FMN2: variants seen among roughly 807,000 people sequenced by gnomAD.
The protein encoded by FMN2 is formin-2.
A neutral mutation model predicts 142.3 loss-of-function variants in FMN2; 51 were observed. That is an observed-to-expected ratio of 0.36 (90% CI 0.29 to 0.45). The LOEUF (loss-of-function observed/expected upper bound fraction) is 0.45. FMN2 is among the 20% of genes least tolerant of loss of function. The pLI is 1.00. For synonymous variants in FMN2, 882 were observed against 869.8 expected (o/e 1.01, Z -0.25); for missense variants, 1,936 against 2,122.8 (o/e 0.91, Z 1.73).
chr1:240,438,349 G>A, intron 16 of FMN2, 139 bp downstream of exon 16: 1 of 860,386 alleles, frequency 1.2e-6, no homozygotes, highest in Non-Finnish European at 1.8e-6. Flanking sequence ...AGAGGATGCT[G>A]ACATTTGGCA....
intron 7 of FMN2, among the ~76,000 whole-genome samples, chr1:240,277,208 T>C (rs999977792): frequency 3.3e-5 from 5 of 152,178 alleles, no homozygotes; most frequent in Admixed American, 2.6e-4. Flanking sequence ...GATAATAACA[T>C]TGAATATTTG....
At chr1:240,191,462 A>G (rs1451684442) in intron 4 of FMN2, among the ~76,000 whole-genome samples, 1 of 152,238 alleles carries the variant, frequency 6.6e-6, no homozygotes, top group East Asian at 1.9e-4. Flanking sequence ...TTCAAATAAA[A>G]TTACATTCTT....
intron 15 of FMN2, among the ~76,000 whole-genome samples, chr1:240,429,918 C>A (rs986189786): frequency 2.0e-5 from 3 of 148,948 alleles, no homozygotes; most frequent in Admixed American, 2.0e-4. Context: ...CAGAGTCTCG[C>A]TCTGCCGCCC....
chr1:240,435,099 C>T (rs1558104537), intron 15 of FMN2, among the ~76,000 whole-genome samples: 2 of 152,074 alleles, frequency 1.3e-5, no homozygotes, highest in Admixed American at 6.6e-5. Context: ...TCATTTGGCT[C>T]ACAGGTTCAT....
At chr1:240,280,647 G>T (rs1186545243) in intron 7 of FMN2, among the ~76,000 whole-genome samples, 1 of 152,090 alleles carries the variant, frequency 6.6e-6, no homozygotes, top group Non-Finnish European at 1.5e-5. Flanking sequence ...TGCAGTGCTG[G>T]TTTACGGAAA....
chr1:240,396,671 G>GT (rs776824776), intron 15 of FMN2, among the ~76,000 whole-genome samples: 2 of 152,122 alleles, frequency 1.3e-5, no homozygotes, highest in Non-Finnish European at 2.9e-5. Context: ...TGTGGTCAGT[G>GT]TTTAGCTCCC....
chr1:240,124,356 G>GAACA (rs2103221704), intron 2 of FMN2, among the ~76,000 whole-genome samples: 1 of 152,250 alleles, frequency 6.6e-6, no homozygotes, highest in Admixed American at 6.5e-5. Context: ...TCATGTTTGT[G>GAACA]TGAAGTACGG....
At chr1:240,458,979 C>G (rs531017646) in intron 16 of FMN2, 1 of 152,110 alleles carries the variant, frequency 6.6e-6, no homozygotes, top group East Asian at 1.9e-4. Context: ...GAATTAAAAT[C>G]ATCTCTACTA....
chr1:240,187,067 C>T (rs1665495703), intron 3 of FMN2, among the ~76,000 whole-genome samples: 2 of 149,604 alleles, frequency 1.3e-5, no homozygotes, highest in South Asian at 4.3e-4. Flanking sequence ...GAGTTCGAGA[C>T]CAGCCTGGCC....
intron 8 of FMN2, among the ~76,000 whole-genome samples, chr1:240,314,899 C>G (rs1207680744): frequency 6.6e-6 from 1 of 152,142 alleles, no homozygotes; most frequent in African/African-American, 2.4e-5. Context: ...CATTAACAAG[C>G]CTTTTAGCTT....
chr1:240,374,244 A>T (rs1168445880), intron 14 of FMN2, among the ~76,000 whole-genome samples: 1 of 152,178 alleles, frequency 6.6e-6, no homozygotes, highest in Non-Finnish European at 1.5e-5. Flanking sequence ...CATAATTCTT[A>T]TAGGCTGCAG....
At chr1:240,125,106 GATAATAA>G (rs1385398886) in intron 2 of FMN2, among the ~76,000 whole-genome samples, 2 of 152,178 alleles carry the variant, frequency 1.3e-5, no homozygotes, top group Non-Finnish European at 1.5e-5. Flanking sequence ...GTCAAGATAC[GATAATAA>G]ATAATAAAGT....
intron 15 of FMN2, among the ~76,000 whole-genome samples, chr1:240,402,025 A>G (rs1365103592): frequency 6.6e-6 from 1 of 152,224 alleles, no homozygotes; most frequent in African/African-American, 2.4e-5. Flanking sequence ...GGCTCCTAAG[A>G]GGCCTTTCTT....
At chr1:240,352,104 G>A (rs983595734) in intron 13 of FMN2, among the ~76,000 whole-genome samples, 2 of 152,040 alleles carry the variant, frequency 1.3e-5, no homozygotes, top group Non-Finnish European at 2.9e-5. Context: ...GCTAGCCTAC[G>A]TTATTAAACA....
intron 15 of FMN2, among the ~76,000 whole-genome samples, chr1:240,409,166 A>G (rs2103122607): frequency 6.6e-6 from 1 of 152,178 alleles, no homozygotes; most frequent in Non-Finnish European, 1.5e-5. Flanking sequence ...TTTTTGAGAC[A>G]TAGTATCACT....
chr1:240,151,069 C>A (rs141028369), intron 2 of FMN2, among the ~76,000 whole-genome samples: 22 of 152,298 alleles, frequency 1.4e-4, no homozygotes, highest in Admixed American at 7.8e-4. Flanking sequence ...ATCCTGGTTT[C>A]TAAGTCCCAA....
intron 1 of FMN2, among the ~76,000 whole-genome samples, chr1:240,116,117 A>C (rs1008478771): frequency 1.3e-5 from 2 of 152,104 alleles, no homozygotes; most frequent in Non-Finnish European, 2.9e-5. Context: ...TTTCATCACC[A>C]TCTTGGTTTT....
At chr1:240,424,840 T>C (rs1674883710) in intron 15 of FMN2, among the ~76,000 whole-genome samples, 2 of 152,246 alleles carry the variant, frequency 1.3e-5, no homozygotes, top group Non-Finnish European at 2.9e-5. Flanking sequence ...TTGAGGTTAA[T>C]AGACTGCTTC....
At chr1:240,446,274 A>G (rs575553080) in intron 16 of FMN2, among the ~76,000 whole-genome samples, 29 of 152,336 alleles carry the variant, frequency 1.9e-4, no homozygotes, top group African/African-American at 5.3e-4. Context: ...AAAATCCTCA[A>G]TTCAAAAACT....
Sources: allele counts gnomAD v4.1 joint callset (sites outside exome capture counted in the v4.1 genomes callset), GRCh38; gene constraint gnomAD v4.1.1; transcripts MANE v1.5; gene names NCBI Gene and HGNC (gene_info 2026-07-23, HGNC 2026-07-21).